The following IQCM variants were observed in gnomAD, a reference collection of about 807,000 sequenced individuals.
IQCM encodes IQ domain-containing protein M.
A neutral mutation model predicts 57.6 loss-of-function variants in IQCM; 45 were observed. That is an observed-to-expected ratio of 0.78 (90% confidence interval 0.62 to 1.00). The LOEUF is 1.00. Among genes scored for constraint, IQCM ranks in the 50% least tolerant of loss-of-function variants. The probability of loss-of-function intolerance (pLI) is 0.00; values close to 1 mark genes in which losing one functional copy is unlikely to be tolerated. For missense variants in IQCM, 468 were observed against 511.6 expected, an observed-to-expected ratio of 0.91 and a Z score of 0.82; for synonymous variants, 148 against 158.9, an observed-to-expected ratio of 0.93 and a Z score of 0.51.
chr4:149,595,617 C>A (rs1285730826), intron 8 of IQCM, among the ~76,000 whole-genome samples: 1 of 152,114 alleles, frequency 6.6e-6, no homozygotes, highest in Non-Finnish European at 1.5e-5. Context: ...GGGCTGCATT[C>A]TTTATGCTGC....
chr4:149,619,732 T>C (rs1305779643), intron 8 of IQCM, among the ~76,000 whole-genome samples: 1 of 152,206 alleles, frequency 6.6e-6, no homozygotes, highest in African/African-American at 2.4e-5. Context: ...TTGAAATTCA[T>C]ATGTAGAAGT....
At position 149,455,738 on chromosome 4, in the gene IQCM, G is replaced by T. The variant is rs751134346; in HGVS notation, c.1229-22181C>A. On this transcript the variant is annotated intron_variant, in intron 12 of 13. Transcript: ENST00000636793. ...CCCAATACTTTGGGAAGCTGAAGTGGGAGGAACACTTGAGGCCAGGAGTTT... is the reference window on the plus strand; with the variant it reads ...CCCAATACTTTGGGAAGCTGAAGTGTGAGGAACACTTGAGGCCAGGAGTTT... 1.4e-4 allele frequency among the ~76,000 whole-genome samples: 21 copies of T among 152,030 alleles called. 1 individual carries two copies. The highest frequency in any genetic ancestry group is 2.4e-4 in the Non-Finnish European group (16 of 67,996).
chr4:149,575,908 C>T (rs1263964112), intron 9 of IQCM, among the ~76,000 whole-genome samples: 1 of 151,786 alleles, frequency 6.6e-6, no homozygotes, highest in African/African-American at 2.4e-5. Context: ...ATTGTTATTA[C>T]AGCTACTGCT....
At position 149,357,353 on chromosome 4, in the gene IQCM, TC is replaced by T. The variant is rs1423925664; in HGVS notation, c.1391-5288del. Reference sequence around the variant, plus strand: ...TTCAAAGGAATGCTTCCAGTTTTTGTCCATTCAGTATGATATTGGCTGTGGG... The same window carrying T: ...TTCAAAGGAATGCTTCCAGTTTTTGTCATTCAGTATGATATTGGCTGTGGG... On this transcript the variant is annotated intron_variant, in intron 13 of 13. Coordinates refer to ENST00000636793, the MANE Select transcript of IQCM (RefSeq NM_001363507.2). Among the ~76,000 whole-genome samples, 4 of 152,160 alleles carry T rather than the reference TC, an allele frequency of 2.6e-5. No homozygotes were observed. In the East Asian group the frequency reaches 7.7e-4, roughly 29 times the overall value.
intron 13 of IQCM, among the ~76,000 whole-genome samples, chr4:149,366,135 T>C (rs1729817931): frequency 6.6e-6 from 1 of 152,032 alleles, no homozygotes; most frequent in Non-Finnish European, 1.5e-5. Context: ...GTACCAACTT[T>C]TTTACTATAT....
chr4:149,383,283 C>T (rs2111044210), intron 13 of IQCM, among the ~76,000 whole-genome samples: 1 of 152,200 alleles, frequency 6.6e-6, no homozygotes, highest in Non-Finnish European at 1.5e-5. Flanking sequence ...TGACTTTCTC[C>T]AGTATCTAGG....
chr4:149,737,206 T>G (rs1401309519), intron 3 of IQCM, among the ~76,000 whole-genome samples: 1 of 152,148 alleles, frequency 6.6e-6, no homozygotes, highest in Non-Finnish European at 1.5e-5. Flanking sequence ...AGAAGAGACA[T>G]GAAGGAAATT....
At chr4:149,510,952 A>G (rs1560932824) in intron 12 of IQCM, among the ~76,000 whole-genome samples, 1 of 152,218 alleles carries the variant, frequency 6.6e-6, no homozygotes, top group African/African-American at 2.4e-5. Context: ...AAAGCAAGTC[A>G]CTAAAGGCAT....
At chr4:149,660,297 A>T (rs902095153) in intron 7 of IQCM, among the ~76,000 whole-genome samples, 9 of 152,174 alleles carry the variant, frequency 5.9e-5, no homozygotes, top group African/African-American at 2.2e-4. Context: ...ACCTCACACC[A>T]GTTAGAATGG....
intron 2 of IQCM, among the ~76,000 whole-genome samples, chr4:149,797,530 G>A (rs999687458): frequency 6.6e-6 from 1 of 151,852 alleles, no homozygotes; most frequent in Non-Finnish European, 1.5e-5. Context: ...GAGAATAATA[G>A]GATATCCAAT....
intron 12 of IQCM, among the ~76,000 whole-genome samples, chr4:149,512,581 T>C (rs1168451460): frequency 6.6e-6 from 1 of 152,166 alleles, no homozygotes; most frequent in Non-Finnish European, 1.5e-5. Context: ...GTGCAGACAG[T>C]TGAATTATTC....
At chr4:149,408,959 C>T (rs992687611) in intron 13 of IQCM, among the ~76,000 whole-genome samples, 1 of 152,124 alleles carries the variant, frequency 6.6e-6, no homozygotes, top group Non-Finnish European at 1.5e-5. Flanking sequence ...GTGTACACAT[C>T]GCAACCTTTA....
chr4:149,714,901 T>A (rs1470505209), intron 5 of IQCM, among the ~76,000 whole-genome samples: 1 of 152,122 alleles, frequency 6.6e-6, no homozygotes, highest in Non-Finnish European at 1.5e-5. Flanking sequence ...CTGGGTGGGA[T>A]TAATTGGTAT....
At chr4:149,775,804 T>TA in intron 2 of IQCM, among the ~76,000 whole-genome samples, 1 of 152,296 alleles carries the variant, frequency 6.6e-6, no homozygotes, top group East Asian at 1.9e-4. Flanking sequence ...TAGCTATTTT[T>TA]AAAAAATATT....
At chr4:149,368,855 T>TATATATATACATATATATAC (rs1560779209) in intron 13 of IQCM, among the ~76,000 whole-genome samples, 1 of 39,314 alleles carries the variant, frequency 2.5e-5, no homozygotes. Flanking sequence ...TATATATACA[T>TATATATATACATATATATAC]GTATATATAT....
chr4:149,505,672 T>C (rs1037956785), intron 12 of IQCM, among the ~76,000 whole-genome samples: 1 of 152,214 alleles, frequency 6.6e-6, no homozygotes, highest in Non-Finnish European at 1.5e-5. Flanking sequence ...AATCACACCA[T>C]CAAACATGTG....
At chr4:149,808,681 C>T (rs1257158173) in intron 2 of IQCM, among the ~76,000 whole-genome samples, 1 of 152,012 alleles carries the variant, frequency 6.6e-6, no homozygotes, top group Non-Finnish European at 1.5e-5. Flanking sequence ...TACAATGTAT[C>T]ATAAAAAATC....
intron 7 of IQCM, among the ~76,000 whole-genome samples, chr4:149,625,856 T>C (rs940762377): frequency 6.6e-6 from 1 of 152,188 alleles, no homozygotes; most frequent in African/African-American, 2.4e-5. Flanking sequence ...TATCGTGTTC[T>C]GAGTCCTGAC....
At chr4:149,742,433 T>C (rs1363188027) in intron 3 of IQCM, among the ~76,000 whole-genome samples, 1 of 152,158 alleles carries the variant, frequency 6.6e-6, no homozygotes, top group Non-Finnish European at 1.5e-5. Flanking sequence ...TTTCAAGGAC[T>C]GAATAGCCCA....
Sources: allele counts gnomAD v4.1 joint callset (sites outside exome capture counted in the v4.1 genomes callset), GRCh38; gene constraint gnomAD v4.1.1; transcripts MANE v1.5; gene names NCBI Gene and HGNC (gene_info 2026-07-23, HGNC 2026-07-21).